Variants in HERC4 observed in about 807,000 individuals in gnomAD.
The protein encoded by HERC4 is probable E3 ubiquitin-protein ligase HERC4.
Under a neutral mutation model 124.3 loss-of-function variants are expected in HERC4, and 28 were observed. The observed-to-expected ratio is 0.23, with a 90% CI of 0.17 to 0.31. The LOEUF (loss-of-function observed/expected upper bound fraction) is 0.31. Among genes scored for constraint, HERC4 ranks in the 10% least tolerant of loss-of-function variants. The pLI is 1.00. For missense variants in HERC4, 713 were observed against 1,229.3 expected (o/e 0.58, Z 6.28); for synonymous variants, 407 against 421.5 (o/e 0.97, Z 0.42).
Position 67,925,138 on chromosome 10 carries a change from A to T in HERC4, c.2888T>A (p.Ile963Asn). The T allele has an allele frequency of 1.2e-6, 2 of 1,607,152 alleles. No homozygotes were observed. Among genetic ancestry groups the T allele is most frequent in the Non-Finnish European group, 1.7e-6 (2 of 1,174,024 alleles). Residue 963 changes from isoleucine to asparagine, a missense_variant, in exon 24 of 25, where the codon ATT becomes AAT. Coordinates refer to ENST00000373700, the MANE Select transcript of HERC4 (RefSeq NM_015601.4). ...TAATTCGTGAAATACTTCCCAAAAA[A>T]TTTTTATCGTAGGATGTTCTGCCCA... ...EYWAEHPTIK[I>N]FWEVFHELPL...
intron 7 of HERC4, among the ~76,000 whole-genome samples, chr10:68,026,947 C>T (rs942256450): frequency 2.0e-5 from 3 of 151,762 alleles, no homozygotes; most frequent in Non-Finnish European, 2.9e-5. Flanking sequence ...TGCCATGGGC[C>T]GAGATCATAC....
At chr10:68,026,911 A>G (rs1433992656) in intron 7 of HERC4, among the ~76,000 whole-genome samples, 1 of 152,154 alleles carries the variant, frequency 6.6e-6, no homozygotes, top group Admixed American at 6.5e-5. Flanking sequence ...CTGAGGCAGA[A>G]TCGCTTGAAC....
chr10:67,971,300 T>G (rs1180201621), intron 15 of HERC4, among the ~76,000 whole-genome samples: 1 of 152,046 alleles, frequency 6.6e-6, no homozygotes, highest in Non-Finnish European at 1.5e-5. Flanking sequence ...GAAGCCAGAA[T>G]AAACTTGATA....
At chr10:67,952,347 G>A (rs1052472453) in intron 19 of HERC4, among the ~76,000 whole-genome samples, 4 of 151,976 alleles carry the variant, frequency 2.6e-5, no homozygotes, top group African/African-American at 4.8e-5. Flanking sequence ...GCAGTGGCGC[G>A]ACCTTGGCTC....
At chr10:68,064,151 A>G (rs547195996) in intron 3 of HERC4, among the ~76,000 whole-genome samples, 2 of 152,074 alleles carry the variant, frequency 1.3e-5, no homozygotes, top group East Asian at 3.9e-4. Flanking sequence ...GCTGAGGGGA[A>G]TCGCTTGAGC....
intron 15 of HERC4, among the ~76,000 whole-genome samples, chr10:67,975,098 A>G (rs2035503702): frequency 6.6e-6 from 1 of 151,998 alleles, no homozygotes; most frequent in South Asian, 2.1e-4. Context: ...CTGAGGCAGG[A>G]GAATCGCTTG....
chr10:67,959,738 A>C (rs1212173872), intron 16 of HERC4, among the ~76,000 whole-genome samples: 2 of 152,226 alleles, frequency 1.3e-5, no homozygotes, highest in African/African-American at 4.8e-5. Flanking sequence ...GTTGGTAAGC[A>C]AAAAGAAATG....
At chr10:67,933,320 T>C (rs1037152824) in intron 22 of HERC4, among the ~76,000 whole-genome samples, 3 of 152,172 alleles carry the variant, frequency 2.0e-5, no homozygotes, top group African/African-American at 7.2e-5. Context: ...AAGTGTAGTT[T>C]CTTTTCAAAT....
intron 3 of HERC4, chr10:68,069,522 C>A (rs2041463811): frequency 1.0e-6 from 1 of 985,416 alleles, no homozygotes; most frequent in Non-Finnish European, 1.2e-6. Context: ...AGAACAGAAA[C>A]ACCTCTTTTC....
In HERC4 at chr10:67,949,887, C is replaced by T. The variant is rs534597878; in HGVS notation, c.2337+4708G>A. Among the ~76,000 whole-genome samples the T allele has an allele frequency of 8.6e-5, 13 of 152,022 alleles. No individual in the cohort carries two copies. In the South Asian group the frequency reaches 2.3e-3, roughly 27 times the overall value. ...ATAAAAAACTAGCCAGGTATGGTGG[C>T]GCACACCTGTAATCTCAGCTACTTG... On this transcript the variant is annotated intron_variant, in intron 19 of 24. Coordinates refer to ENST00000373700, the MANE Select transcript of HERC4 (RefSeq NM_015601.4).
Position 68,039,077 on chromosome 10 carries a change from C to A in HERC4, c.387-908G>T, listed in dbSNP as rs12411712. ...CAGCACTTTTGGAGACCAAGGTAGG[C>A]GGATCACTTGAGGTCAGTCAGGAGT... On this transcript the variant is annotated intron_variant, in intron 4 of 24. Coordinates refer to ENST00000373700, the MANE Select transcript of HERC4 (RefSeq NM_015601.4). Among the ~76,000 whole-genome samples, 3,989 of 149,726 alleles carry A rather than the reference C, an allele frequency of 0.027. 393 individuals are homozygous for A. In the East Asian group the frequency reaches 0.32, roughly 12 times the overall value.
chr10:67,940,610 G>A (rs1589138244), intron 20 of HERC4, among the ~76,000 whole-genome samples: 2 of 151,888 alleles, frequency 1.3e-5, no homozygotes, highest in Admixed American at 6.6e-5. Context: ...GTATAGATGG[G>A]GTTTCGCCAT....
chr10:68,058,014 T>G (rs1277044922), intron 3 of HERC4, among the ~76,000 whole-genome samples: 1 of 152,188 alleles, frequency 6.6e-6, no homozygotes, highest in Non-Finnish European at 1.5e-5. Context: ...TTATAATTAT[T>G]AATCATTAAA....
rs781580167 is a variant in HERC4, at chr10:67,932,730, G to A, written c.2705C>T (p.Ala902Val). Residue 902 changes from alanine (A) to valine (V), a missense_variant, in exon 23 of 25, where the codon GCT (alanine) becomes GTT (valine). Coordinates refer to ENST00000373700, the MANE Select transcript of HERC4 (RefSeq NM_015601.4). The stretch of plus-strand genomic sequence containing the variant: ...CGCATGAAAAGCATCAAATAAGGAA[G>A]CCACTGATTTATTGAATATGTAATC... ...YVDYIFNKSV[A>V]SLFDAFHAGF... The A allele has an allele frequency of 3.8e-6, 6 of 1,599,688 alleles. No individual in the cohort carries two copies. The highest frequency in any genetic ancestry group is 4.2e-6 in the Non-Finnish European group (5 of 1,176,940).
At chr10:67,947,839 CTTTTTTTTTT>C (rs34189806) in intron 19 of HERC4, among the ~76,000 whole-genome samples, 1 of 107,304 alleles carries the variant, frequency 9.3e-6, no homozygotes, top group African/African-American at 3.8e-5. Context: ...ACAATACACT[CTTTTTTTTTT>C]TTTTTTTTTT....
intron 22 of HERC4, among the ~76,000 whole-genome samples, chr10:67,933,037 C>A (rs988582812): frequency 6.6e-6 from 1 of 152,102 alleles, no homozygotes; most frequent in African/African-American, 2.4e-5. Context: ...AATGTCATTT[C>A]CTAATGGGCA....
chr10:68,066,438 T>C (rs924269874), intron 3 of HERC4, among the ~76,000 whole-genome samples: 3 of 152,226 alleles, frequency 2.0e-5, no homozygotes, highest in African/African-American at 7.2e-5. Flanking sequence ...TCTAATCATG[T>C]AAAAACACTA....
chr10:68,022,028 T>G (rs890829987), intron 8 of HERC4, among the ~76,000 whole-genome samples: 1 of 152,132 alleles, frequency 6.6e-6, no homozygotes, highest in Non-Finnish European at 1.5e-5. Flanking sequence ...GAAATAAAAT[T>G]TTATTTAAAA....
At chr10:68,053,877 A>C (rs1362689256) in intron 3 of HERC4, among the ~76,000 whole-genome samples, 1 of 152,236 alleles carries the variant, frequency 6.6e-6, no homozygotes, top group Admixed American at 6.5e-5. Flanking sequence ...AACAGGATCT[A>C]GAATCAATAG....
Sources: gnomAD v4.1 joint callset for allele counts (sites outside exome capture counted in the v4.1 genomes callset) on GRCh38, gnomAD v4.1.1 for gene constraint, MANE v1.5 for transcripts, NCBI Gene and HGNC (gene_info 2026-07-23, HGNC 2026-07-21) for gene names.